Variants in ZNF423 observed in about 807,000 individuals in gnomAD.
ZNF423 encodes Ebf-associated zinc finger protein.
In ZNF423, 12 loss-of-function variants were observed where a neutral mutation model predicts 95.8. The ratio of observed to expected loss-of-function variants is 0.13; its 90% CI spans 0.08 to 0.20. The LOEUF is 0.20. Among genes scored for constraint, ZNF423 ranks in the 10% least tolerant of loss-of-function variants. The probability of loss-of-function intolerance (pLI) is 1.00; values close to 1 mark genes in which losing one functional copy is unlikely to be tolerated. For synonymous variants in ZNF423, 749 were observed against 711.9 expected (o/e 1.05, Z -0.83); for missense variants, 1,316 against 1,737.1 (o/e 0.76, Z 4.31).
chr16:49,507,978 T>C (rs1967716165), intron 7 of ZNF423, among the ~76,000 whole-genome samples: 1 of 152,150 alleles, frequency 6.6e-6, no homozygotes, highest in Non-Finnish European at 1.5e-5. Context: ...GAAAAATCAA[T>C]AAATCCAGCC....
intron 3 of ZNF423, among the ~76,000 whole-genome samples, chr16:49,687,836 C>G (rs532800384): frequency 3.3e-5 from 5 of 152,264 alleles, no homozygotes; most frequent in South Asian, 2.1e-4. Flanking sequence ...CTCTGCCCCC[C>G]ACATGTGAGA....
At chr16:49,820,090 A>T (rs1021736743) in intron 1 of ZNF423, among the ~76,000 whole-genome samples, 2 of 152,048 alleles carry the variant, frequency 1.3e-5, no homozygotes, top group Non-Finnish European at 2.9e-5. Context: ...GGATGGGTGG[A>T]TGGATGAATG....
intron 3 of ZNF423, among the ~76,000 whole-genome samples, chr16:49,713,237 CCA>C (rs1446296352): frequency 6.6e-6 from 1 of 152,214 alleles, no homozygotes; most frequent in Non-Finnish European, 1.5e-5. Context: ...ACCCACTCCC[CCA>C]CACAAATCAC....
intron 5 of ZNF423, among the ~76,000 whole-genome samples, chr16:49,563,787 C>T (rs934075034): frequency 5.3e-5 from 8 of 152,230 alleles, no homozygotes; most frequent in Non-Finnish European, 1.0e-4. Flanking sequence ...CATACACATC[C>T]CACTGGTATG....
chr16:49,584,892 C>T (rs1325037119), intron 5 of ZNF423, among the ~76,000 whole-genome samples: 1 of 152,190 alleles, frequency 6.6e-6, no homozygotes, highest in African/African-American at 2.4e-5. Flanking sequence ...CAGCCCAGAA[C>T]AGTGTCTTCT....
intron 5 of ZNF423, among the ~76,000 whole-genome samples, chr16:49,624,851 G>A (rs1028814006): frequency 1.3e-5 from 2 of 152,198 alleles, no homozygotes; most frequent in African/African-American, 2.4e-5. Flanking sequence ...TGGTAAGGGA[G>A]GGCCTGAAGG....
intron 7 of ZNF423, among the ~76,000 whole-genome samples, chr16:49,501,174 T>C (rs1967384159): frequency 6.6e-6 from 1 of 151,940 alleles, no homozygotes; most frequent in Admixed American, 6.6e-5. Flanking sequence ...AAGATTAGAG[T>C]GTGGGTGCTG....
At chr16:49,858,349 C>T (rs1349797878), upstream of ZNF423, among the ~76,000 whole-genome samples, 1 of 151,822 alleles carries the variant, frequency 6.6e-6, no homozygotes, top group Middle Eastern at 3.4e-3. This position sits in a 1 kb window ranked among gnomAD's most constrained non-coding sequence, Gnocchi z 4.3. Flanking sequence ...GGGCCCTGCT[C>T]GCCAACCCCG....
At chr16:49,671,180 C>A (rs1276076634) in intron 3 of ZNF423, among the ~76,000 whole-genome samples, 1 of 152,174 alleles carries the variant, frequency 6.6e-6, no homozygotes, top group Admixed American at 6.5e-5. Context: ...ACCCAGGGGG[C>A]ACAGAAGAAA....
At chr16:49,698,421 T>C (rs1280008304) in intron 3 of ZNF423, among the ~76,000 whole-genome samples, 2 of 152,150 alleles carry the variant, frequency 1.3e-5, no homozygotes, top group African/African-American at 4.8e-5. Context: ...ATTCCATCAA[T>C]TACCATTATC....
At chr16:49,736,625 T>C (rs1056373206) in intron 2 of ZNF423, among the ~76,000 whole-genome samples, 10 of 152,116 alleles carry the variant, frequency 6.6e-5, no homozygotes, top group Non-Finnish European at 1.0e-4. Flanking sequence ...TGAGACCCCA[T>C]CTTTACAAAA....
Position 49,635,517 on chromosome 16 carries a change from T to G in ZNF423, c.3516+143A>C. On this transcript the variant is annotated intron_variant, in intron 4 of 7. Coordinates refer to ENST00000563137, the MANE Select transcript of ZNF423 (RefSeq NM_001379286.1). This position sits in a 1 kb window ranked among gnomAD's most constrained non-coding sequence, Gnocchi z 4.8. ...AGTGCTGAGGTTCAAACTCAAGGAG[T>G]CTACAGCACAGCAGTTCTGTTTTGC... The G allele has an allele frequency of 9.7e-7, 1 of 1,029,580 alleles. No individual in the cohort carries two copies. The highest frequency in any genetic ancestry group is 1.3e-6 in the Non-Finnish European group (1 of 755,322). 63.8% of individuals were successfully genotyped at this position (1,029,580 alleles called of 1,614,324 possible). A position where few individuals can be genotyped will look rare whatever the true frequency, so the allele number is the denominator to read the frequency against.
chr16:49,513,594 G>A (rs1489597276), intron 7 of ZNF423, among the ~76,000 whole-genome samples: 2 of 151,880 alleles, frequency 1.3e-5, no homozygotes, highest in Non-Finnish European at 2.9e-5. Context: ...TTCTCTTTCC[G>A]ACTTTCCAGG....
At chr16:49,819,739 C>A (rs553301945) in intron 1 of ZNF423, among the ~76,000 whole-genome samples, 16 of 152,278 alleles carry the variant, frequency 1.1e-4, no homozygotes, top group African/African-American at 3.8e-4. Flanking sequence ...TGAGCCCATC[C>A]ATGAGTATCT....
Position 49,616,641 on chromosome 16 carries a change from A to G in ZNF423, c.3601+9529T>C, listed in dbSNP as rs150420708. On this transcript the variant is annotated intron_variant, in intron 5 of 7. Coordinates refer to ENST00000563137, the MANE Select transcript of ZNF423 (RefSeq NM_001379286.1). The stretch of plus-strand genomic sequence containing the variant: ...ACCCATAAAAATTAAAAATTAAAAA[A>G]AGAAAACTGAATGAATGAAGGAATA... Among the ~76,000 whole-genome samples the G allele has an allele frequency of 1.2e-3, 178 of 152,296 alleles. 1 individual carries two copies. In the South Asian group the frequency reaches 0.017, roughly 15 times the overall value.
At chr16:49,730,519 G>C (rs1487136161) in intron 3 of ZNF423, 5 of 549,308 alleles carry the variant, frequency 9.1e-6, no homozygotes, top group Non-Finnish European at 6.5e-6. Flanking sequence ...CTGAGTACCA[G>C]AGCACAGCTT....
chr16:49,719,785 T>C (rs559668619), intron 3 of ZNF423, among the ~76,000 whole-genome samples: 6 of 152,322 alleles, frequency 3.9e-5, no homozygotes, highest in Non-Finnish European at 8.8e-5. Flanking sequence ...TGCAAGTCAA[T>C]TAAAAACCTC....
intron 2 of ZNF423, among the ~76,000 whole-genome samples, chr16:49,738,543 T>C (rs1311648488): frequency 6.6e-6 from 1 of 152,074 alleles, no homozygotes; most frequent in African/African-American, 2.4e-5. Context: ...GCATGGCCAC[T>C]ATGAGACAGG....
At chr16:49,618,506 A>T (rs1409424826) in intron 5 of ZNF423, among the ~76,000 whole-genome samples, 1 of 152,140 alleles carries the variant, frequency 6.6e-6, no homozygotes, top group East Asian at 1.9e-4. Flanking sequence ...TGATGGTTTC[A>T]TAAGGTGCTC....
Sources: gnomAD v4.1 joint callset for allele counts (sites outside exome capture counted in the v4.1 genomes callset) on GRCh38, gnomAD v4.1.1 for gene constraint, Gnocchi (gnomAD v3.1) non-coding constraint, MANE v1.5 for transcripts, NCBI Gene and HGNC (gene_info 2026-07-23, HGNC 2026-07-21) for gene names.